Variants in GABRB3 observed in about 807,000 individuals in gnomAD.
GABRB3 encodes the protein gamma-aminobutyric acid receptor subunit beta-3.
Under a neutral mutation model 52.1 loss-of-function variants are expected in GABRB3, and 14 were observed. The ratio of observed to expected loss-of-function variants is 0.27; its 90% CI spans 0.18 to 0.42. The LOEUF (loss-of-function observed/expected upper bound fraction) is 0.42, where lower values mean the gene tolerates loss of function less well. Ranked by LOEUF, GABRB3 falls within the 10% of genes least tolerant of loss-of-function variation. The pLI is 1.00. For synonymous variants in GABRB3, 260 were observed against 232.3 expected (o/e 1.12, Z -1.08); for missense variants, 307 against 609.1 (o/e 0.50, Z 5.22).
intron 5 of GABRB3, among the ~76,000 whole-genome samples, chr15:26,582,845 T>C (rs1349250288): frequency 6.6e-6 from 1 of 152,212 alleles, no homozygotes; most frequent in Non-Finnish European, 1.5e-5. Context: ...TTAGATGTTA[T>C]GGATGCAGTT....
At chr15:26,726,321 T>C (rs1048738798) in intron 3 of GABRB3, among the ~76,000 whole-genome samples, 8 of 152,198 alleles carry the variant, frequency 5.3e-5, no homozygotes, top group African/African-American at 7.2e-5. Context: ...TAGTCTAGCT[T>C]CTTCAAATGT....
chr15:26,740,138 C>A (rs771896862), intron 3 of GABRB3, among the ~76,000 whole-genome samples: 15 of 152,100 alleles, frequency 9.9e-5, no homozygotes, highest in Admixed American at 2.6e-4. Flanking sequence ...ACTTGAGATC[C>A]CCCCACCATC....
chr15:26,684,198 C>T (rs1297490356), intron 3 of GABRB3, among the ~76,000 whole-genome samples: 1 of 152,150 alleles, frequency 6.6e-6, no homozygotes, highest in Admixed American at 6.5e-5. Flanking sequence ...CTAACATTTT[C>T]TTTAGTCCGA....
At chr15:26,690,061 T>C (rs143376690) in intron 3 of GABRB3, among the ~76,000 whole-genome samples, 9 of 151,888 alleles carry the variant, frequency 5.9e-5, no homozygotes, top group South Asian at 2.1e-4. Context: ...CCCCACTAGA[T>C]ACAGCTCTTT....
At chr15:26,580,522 C>T (rs1890751630) in intron 5 of GABRB3, 66 bp from the exon 6 acceptor site, 1 of 1,599,478 alleles carries the variant, frequency 6.3e-7, no homozygotes, top group Non-Finnish European at 8.6e-7. Context: ...GCTAAATAAA[C>T]TATCATTAAC....
intron 3 of GABRB3, among the ~76,000 whole-genome samples, chr15:26,693,022 A>G (rs770671754): frequency 7.2e-5 from 11 of 152,242 alleles, no homozygotes; most frequent in Admixed American, 6.5e-5. Context: ...CATGAAAACC[A>G]GAACTGCACA....
rs1555400756 is a variant in GABRB3, at chr15:26,554,021, T to TTTTATATATATATA, written c.1081-5888_1081-5887insTATATATATATAAA. Among the ~76,000 whole-genome samples, 27 of 23,684 alleles carry TTTTATATATATATA rather than the reference T, an allele frequency of 1.1e-3. 1 individual carries two copies. Among genetic ancestry groups the TTTTATATATATATA allele is most frequent in the African/African-American group, 4.4e-3 (24 of 5,498 alleles). The allele number at this position is 23,684 out of a possible 152,430, so 15.5% of individuals were successfully genotyped here. A position where few individuals can be genotyped will look rare whatever the true frequency, so the allele number is the denominator to read the frequency against. On this transcript the variant is annotated intron_variant, in intron 8 of 8. Transcript: ENST00000311550. The stretch of plus-strand genomic sequence containing the variant: ...TCCCGAGTAGCTGACACCTGACTAT[T>TTTTATATATATATA]TATATATATATATATTTATTTATTT...
At chr15:26,664,369 C>T (rs1269891411) in intron 3 of GABRB3, among the ~76,000 whole-genome samples, 2 of 152,132 alleles carry the variant, frequency 1.3e-5, no homozygotes, top group Non-Finnish European at 2.9e-5. Context: ...TTGTATTTAT[C>T]ACTCATTTAC....
In GABRB3 at chr15:26,686,124, G is replaced by A. The variant is rs575472333; in HGVS notation, c.241-64590C>T. Among the ~76,000 whole-genome samples, 9 of 151,678 alleles carry A rather than the reference G, an allele frequency of 5.9e-5. No homozygotes were observed. In the East Asian group the frequency reaches 1.6e-3, roughly 26 times the overall value. Reference sequence around the variant, plus strand: ...TACCTGACTAATTTTTTTATTTTTTGTAGAAACATGGGGTCTTGCTATGTT... The same window carrying A: ...TACCTGACTAATTTTTTTATTTTTTATAGAAACATGGGGTCTTGCTATGTT... On this transcript the variant is annotated intron_variant, in intron 3 of 8. Transcript: ENST00000311550.
At chr15:26,672,123 T>A (rs1887917928) in intron 3 of GABRB3, among the ~76,000 whole-genome samples, 1 of 152,188 alleles carries the variant, frequency 6.6e-6, no homozygotes, top group African/African-American at 2.4e-5. Context: ...CTTAGAACTT[T>A]ACAAACTGTT....
intron 3 of GABRB3, among the ~76,000 whole-genome samples, chr15:26,730,619 C>T (rs900828126): frequency 6.6e-6 from 1 of 152,130 alleles, no homozygotes; most frequent in Non-Finnish European, 1.5e-5. Context: ...GACCATTATT[C>T]TTCCTTTACA....
intron 3 of GABRB3, among the ~76,000 whole-genome samples, chr15:26,709,726 C>G (rs184430516): frequency 7.7e-4 from 117 of 152,046 alleles, no homozygotes; most frequent in African/African-American, 2.5e-3. Flanking sequence ...ACCCTGTTAG[C>G]CAGGATGGTC....
intron 3 of GABRB3, among the ~76,000 whole-genome samples, chr15:26,668,703 G>A (rs1286264353): frequency 6.6e-6 from 1 of 152,126 alleles, no homozygotes; most frequent in Admixed American, 6.6e-5. Flanking sequence ...TATGTAAATA[G>A]AGTTCCCTAA....
At chr15:26,709,824 T>C (rs1889237700) in intron 3 of GABRB3, among the ~76,000 whole-genome samples, 2 of 152,102 alleles carry the variant, frequency 1.3e-5, no homozygotes, top group Admixed American at 6.5e-5. Context: ...GTCATAAACC[T>C]CTTTTCTTTA....
chr15:26,765,188 A>T (rs930893645), intron 3 of GABRB3, among the ~76,000 whole-genome samples: 1 of 151,956 alleles, frequency 6.6e-6, no homozygotes, highest in Non-Finnish European at 1.5e-5. Context: ...ACCCTCATAT[A>T]CTTTCTAAGG....
chr15:26,665,150 A>C (rs1887670510), intron 3 of GABRB3, among the ~76,000 whole-genome samples: 1 of 152,190 alleles, frequency 6.6e-6, no homozygotes, highest in African/African-American at 2.4e-5. Flanking sequence ...ATTATTTTTA[A>C]CTATAGTCGC....
intron 3 of GABRB3, among the ~76,000 whole-genome samples, chr15:26,685,799 CTTTTT>C (rs371341373): frequency 4.6e-5 from 6 of 131,186 alleles, no homozygotes; most frequent in Admixed American, 7.9e-5. Flanking sequence ...GTAAGATGGT[CTTTTT>C]TTTTTTTTTT....
chr15:26,622,029 T>A (rs746729213), intron 3 of GABRB3, among the ~76,000 whole-genome samples: 1 of 152,168 alleles, frequency 6.6e-6, no homozygotes, highest in Non-Finnish European at 1.5e-5. Context: ...ATAAACATCC[T>A]CTGGAGACAC....
At chr15:26,727,230 G>A (rs1158418581) in intron 3 of GABRB3, among the ~76,000 whole-genome samples, 1 of 152,160 alleles carries the variant, frequency 6.6e-6, no homozygotes, top group Non-Finnish European at 1.5e-5. Flanking sequence ...TGGTTATTAT[G>A]ATTCCTGTCG....
Sources: gnomAD v4.1 joint callset for allele counts (sites outside exome capture counted in the v4.1 genomes callset) on GRCh38, gnomAD v4.1.1 for gene constraint, MANE v1.5 for transcripts, NCBI Gene and HGNC (gene_info 2026-07-23, HGNC 2026-07-21) for gene names.